The following TTC7B variants were observed in gnomAD, a reference collection of about 807,000 sequenced individuals.
TTC7B encodes tetratricopeptide repeat protein 7B.
TTC7B carries 28 observed loss-of-function variants against 106.8 expected under a neutral mutation model. That is an observed-to-expected ratio of 0.26 (90% confidence interval 0.19 to 0.36). TTC7B has a LOEUF of 0.36. Ranked by LOEUF, TTC7B falls within the 10% of genes least tolerant of loss-of-function variation. TTC7B has a pLI of 1.00. For synonymous variants in TTC7B, 405 were observed against 430.6 expected (o/e 0.94, Z 0.74); for missense variants, 862 against 1,076.4 (o/e 0.80, Z 2.79).
In TTC7B at chr14:90,529,048, T is replaced by A. The variant is rs1889218967; in HGVS notation, c.*12320A>T. 1 of 155,434 alleles carries A rather than the reference T, an allele frequency of 6.4e-6. No individual in the cohort carries two copies. The highest frequency in any genetic ancestry group is 1.4e-5 in the Non-Finnish European group (1 of 70,822). 9.6% of individuals were successfully genotyped at this position (155,434 alleles called of 1,614,324 possible). A position where few individuals can be genotyped will look rare whatever the true frequency, so the allele number is the denominator to read the frequency against. ...TTTCTGATGGTGTGACCTGACTGCT[T>A]TGTTACCTGTTTCCAATGGTGTGAC... is the stretch of plus-strand genomic sequence containing the variant. On this transcript the variant is annotated 3_prime_UTR_variant, in exon 20 of 20. Transcript: ENST00000328459.
chr14:90,697,975 C>A (rs1277364925), intron 5 of TTC7B: 1 of 152,248 alleles, frequency 6.6e-6, no homozygotes, highest in Non-Finnish European at 1.5e-5. Context: ...AAAGAAGCCA[C>A]AGTAACCACA....
intron 19 of TTC7B, among the ~76,000 whole-genome samples, chr14:90,542,089 G>A (rs865789754): frequency 6.6e-6 from 1 of 152,064 alleles, no homozygotes; most frequent in Non-Finnish European, 1.5e-5. Context: ...ACAGGCGCCC[G>A]CCACCACGCC....
intron 4 of TTC7B, among the ~76,000 whole-genome samples, chr14:90,740,775 T>A (rs530571211): frequency 4.6e-5 from 7 of 152,222 alleles, no homozygotes; most frequent in Admixed American, 4.6e-4. Context: ...ATGCTGGGAT[T>A]ACAGGTGTGA....
Position 90,695,506 on chromosome 14 carries a change from C to T in TTC7B, c.771G>A (p.Leu257=). Reference sequence around the variant, plus strand: ...AGTCACTGTTCACACTTACCATTCGCAGGTTTTGAGTCGTTCTTGTTTCAA... The same window carrying T: ...AGTCACTGTTCACACTTACCATTCGTAGGTTTTGAGTCGTTCTTGTTTCAA... ...RAVETRTTQN[L]RMTIARQLAE... Residue 257 remains leucine, a synonymous_variant, in exon 6 of 20, where the codon CTG becomes CTA. Transcript: ENST00000328459. 6.3e-7 allele frequency: 1 copy of T among 1,592,142 alleles called. No individual in the cohort carries two copies. Among genetic ancestry groups the T allele is most frequent in the Non-Finnish European group, 8.5e-7 (1 of 1,170,576 alleles).
chr14:90,793,232 C>A (rs941022217), intron 1 of TTC7B, among the ~76,000 whole-genome samples: 1 of 151,802 alleles, frequency 6.6e-6, no homozygotes, highest in African/African-American at 2.4e-5. Flanking sequence ...GTCAATTAAA[C>A]CTCTTTCCTG....
intron 1 of TTC7B, among the ~76,000 whole-genome samples, chr14:90,810,728 G>T (rs771898736): frequency 3.9e-5 from 6 of 152,164 alleles, no homozygotes; most frequent in Non-Finnish European, 5.9e-5. Flanking sequence ...TAATCTGTAA[G>T]GTCTTCTCTG....
At chr14:90,559,519 T>C (rs1189019631) in intron 19 of TTC7B, among the ~76,000 whole-genome samples, 1 of 152,076 alleles carries the variant, frequency 6.6e-6, no homozygotes, top group Non-Finnish European at 1.5e-5. Context: ...ATTGGGACAC[T>C]AGGTGGAAAA....
At chr14:90,788,237 T>C (rs926521869) in intron 1 of TTC7B, among the ~76,000 whole-genome samples, 1 of 151,836 alleles carries the variant, frequency 6.6e-6, no homozygotes, top group Non-Finnish European at 1.5e-5. Context: ...GCATACAGAG[T>C]ACACTGGGGT....
intron 17 of TTC7B, among the ~76,000 whole-genome samples, chr14:90,597,873 C>T (rs1892273315): frequency 1.3e-5 from 2 of 152,162 alleles, no homozygotes; most frequent in Admixed American, 6.5e-5. Context: ...AATGAGAGCA[C>T]TATTAACTTA....
At chr14:90,689,959 C>A (rs1308020858) in intron 6 of TTC7B, among the ~76,000 whole-genome samples, 2 of 152,232 alleles carry the variant, frequency 1.3e-5, no homozygotes, top group Non-Finnish European at 2.9e-5. Flanking sequence ...CCACCTGTCA[C>A]ACTCTGGAAT....
At chr14:90,806,631 G>T (rs1395687816) in intron 1 of TTC7B, among the ~76,000 whole-genome samples, 1 of 152,182 alleles carries the variant, frequency 6.6e-6, no homozygotes, top group Non-Finnish European at 1.5e-5. Flanking sequence ...CTTAGGCCAG[G>T]CACAGTGACT....
intron 3 of TTC7B, chr14:90,766,984 A>C: frequency 7.5e-7 from 1 of 1,339,228 alleles, no homozygotes; most frequent in Non-Finnish European, 1.1e-6. Context: ...GTCCAAGAAG[A>C]AATAAGTCTG....
chr14:90,751,297 T>C (rs1331636707), intron 3 of TTC7B, among the ~76,000 whole-genome samples: 4 of 152,196 alleles, frequency 2.6e-5, no homozygotes, highest in Non-Finnish European at 5.9e-5. Flanking sequence ...TAAAGAACAA[T>C]GAATTGCCAC....
chr14:90,669,960 C>T (rs1886569092), intron 9 of TTC7B, among the ~76,000 whole-genome samples: 2 of 152,146 alleles, frequency 1.3e-5, no homozygotes, highest in South Asian at 2.1e-4. Context: ...AAAAGGAACT[C>T]GGAAAACATG....
intron 16 of TTC7B, among the ~76,000 whole-genome samples, chr14:90,613,336 T>C (rs1024594357): frequency 1.3e-5 from 2 of 151,804 alleles, no homozygotes; most frequent in Non-Finnish European, 2.9e-5. Flanking sequence ...CAGACTGTAG[T>C]GAGCTATGAT....
In TTC7B at chr14:90,541,292, G is replaced by T; in HGVS notation, c.*76C>A. On this transcript the variant is annotated 3_prime_UTR_variant, in exon 20 of 20. Transcript: ENST00000328459. ...CTCAGTGTGGCAGATTCATCCCCTT[G>T]GGGCGATGGCACAAGCCCTGGTGCC... 7.3e-7 allele frequency: 1 copy of T among 1,365,740 alleles called. No individual in the cohort carries two copies. Among genetic ancestry groups the T allele is most frequent in the Non-Finnish European group, 1.0e-6 (1 of 1,004,260 alleles). The allele number at this position is 1,365,740 out of a possible 1,614,324, so 84.6% of individuals were successfully genotyped here.
At chr14:90,631,929 C>A (rs1884721964) in intron 15 of TTC7B, among the ~76,000 whole-genome samples, 1 of 152,144 alleles carries the variant, frequency 6.6e-6, no homozygotes. Context: ...GGAGAAACAT[C>A]TATGCAACTC....
At chr14:90,784,407 A>T (rs1376762377) in intron 2 of TTC7B, among the ~76,000 whole-genome samples, 2 of 152,142 alleles carry the variant, frequency 1.3e-5, no homozygotes, top group Non-Finnish European at 2.9e-5. Context: ...AATACAAAAA[A>T]TTAGCCGGGC....
In TTC7B at chr14:90,534,035, G is replaced by C. The variant is rs1168628426; in HGVS notation, c.*7333C>G. Reference sequence around the variant, plus strand: ...GAAGGCAGGCTGGGCAGAGGTGACTGTCCTCATCTGATTCTGAGTCCAGGG... The same window carrying C: ...GAAGGCAGGCTGGGCAGAGGTGACTCTCCTCATCTGATTCTGAGTCCAGGG... On this transcript the variant is annotated 3_prime_UTR_variant, in exon 20 of 20. Transcript: ENST00000328459. 1 of 152,342 alleles carries C rather than the reference G, an allele frequency of 6.6e-6. No homozygotes were observed. The highest frequency in any genetic ancestry group is 1.5e-5 in the Non-Finnish European group (1 of 68,130). The allele number at this position is 152,342 out of a possible 1,614,324, so 9.4% of individuals were successfully genotyped here. A position where few individuals can be genotyped will look rare whatever the true frequency, so the allele number is the denominator to read the frequency against.
Sources: gnomAD v4.1 joint callset for allele counts (sites outside exome capture counted in the v4.1 genomes callset) on GRCh38, gnomAD v4.1.1 for gene constraint, MANE v1.5 for transcripts, NCBI Gene and HGNC (gene_info 2026-07-23, HGNC 2026-07-21) for gene names.